The following PRKG1 variants were observed in gnomAD, a reference collection of about 807,000 sequenced individuals.
PRKG1 encodes the protein protein kinase cGMP-dependent 1.
PRKG1 carries 35 observed loss-of-function variants against 88.1 expected under a neutral mutation model. That is an observed-to-expected ratio of 0.40 (90% CI 0.30 to 0.53). The LOEUF is 0.53. Among genes scored for constraint, PRKG1 ranks in the 20% least tolerant of loss-of-function variants. PRKG1 has a pLI of 0.59. For synonymous variants in PRKG1, 303 were observed against 292.5 expected, an observed-to-expected ratio of 1.04 and a Z score of -0.37; for missense variants, 540 against 839.8, an observed-to-expected ratio of 0.64 and a Z score of 4.41.
chr10:51,787,344 T>C (rs1357434157), intron 3 of PRKG1, among the ~76,000 whole-genome samples: 2 of 152,148 alleles, frequency 1.3e-5, no homozygotes, highest in African/African-American at 4.8e-5. Flanking sequence ...GAATTAGCAA[T>C]ATGTAAGGTA....
intron 2 of PRKG1, among the ~76,000 whole-genome samples, chr10:51,186,958 A>ATATATATATATATATATATATG (rs1837505567): frequency 6.5e-5 from 3 of 46,476 alleles, no homozygotes; most frequent in Non-Finnish European, 1.8e-4. Context: ...CCTGTGTTAT[A>ATATATATATATATATATATATG]TATATATATA....
chr10:51,272,343 A>T (rs1840002850), intron 2 of PRKG1, among the ~76,000 whole-genome samples: 1 of 150,124 alleles, frequency 6.7e-6, no homozygotes, highest in African/African-American at 2.5e-5. Context: ...AACATCACAC[A>T]CTGGGCTTAT....
At chr10:51,298,871 C>G (rs1840794604) in intron 2 of PRKG1, among the ~76,000 whole-genome samples, 1 of 152,118 alleles carries the variant, frequency 6.6e-6, no homozygotes, top group Non-Finnish European at 1.5e-5. Flanking sequence ...AGGCATGCAA[C>G]AAAAGGTTGG....
intron 5 of PRKG1, among the ~76,000 whole-genome samples, chr10:51,977,868 C>T (rs138419375): frequency 3.8e-4 from 57 of 151,948 alleles, no homozygotes; most frequent in African/African-American, 1.3e-3. Flanking sequence ...TGCTGGATAT[C>T]AGACATTTAT....
intron 3 of PRKG1, among the ~76,000 whole-genome samples, chr10:51,733,435 C>T (rs1013929980): frequency 1.6e-4 from 25 of 152,062 alleles, no homozygotes; most frequent in Admixed American, 6.6e-4. Flanking sequence ...CTAATAGGAA[C>T]GTCTTGAACC....
At chr10:52,113,772 A>T (rs1847622806) in intron 7 of PRKG1, among the ~76,000 whole-genome samples, 1 of 152,190 alleles carries the variant, frequency 6.6e-6, no homozygotes, top group African/African-American at 2.4e-5. Context: ...TAAGTGTTTC[A>T]TTAAGAATTT....
At chr10:52,140,495 C>T (rs1041727561) in intron 8 of PRKG1, among the ~76,000 whole-genome samples, 1 of 152,122 alleles carries the variant, frequency 6.6e-6, no homozygotes, top group Non-Finnish European at 1.5e-5. Context: ...CATGCACACA[C>T]CTCTTTTTAT....
intron 8 of PRKG1, among the ~76,000 whole-genome samples, chr10:52,150,751 T>C (rs1016297047): frequency 1.3e-5 from 2 of 152,200 alleles, no homozygotes; most frequent in African/African-American, 4.8e-5. Flanking sequence ...TACCTTGGGA[T>C]AGATTTATTA....
At chr10:52,104,366 C>G (rs909311807) in intron 7 of PRKG1, among the ~76,000 whole-genome samples, 4 of 151,870 alleles carry the variant, frequency 2.6e-5, no homozygotes, top group African/African-American at 9.7e-5. Context: ...ACTGATGTGG[C>G]CTTATTTCTA....
intron 3 of PRKG1, among the ~76,000 whole-genome samples, chr10:51,754,255 T>C (rs1186931044): frequency 6.6e-6 from 1 of 152,172 alleles, no homozygotes; most frequent in African/African-American, 2.4e-5. Context: ...CCTTCAAATC[T>C]CAAGCAAGCC....
chr10:51,192,843 T>G (rs1837664728), intron 2 of PRKG1, among the ~76,000 whole-genome samples: 1 of 151,962 alleles, frequency 6.6e-6, no homozygotes, highest in Non-Finnish European at 1.5e-5. Context: ...TATCTGGAAG[T>G]CTACCTTTCA....
intron 3 of PRKG1, among the ~76,000 whole-genome samples, chr10:51,570,016 A>G (rs1837705274): frequency 6.9e-6 from 1 of 144,644 alleles, no homozygotes; most frequent in Admixed American, 6.9e-5. Context: ...TGTTATAACT[A>G]AGACTCTAAT....
At chr10:51,256,524 G>C (rs1001199710) in intron 2 of PRKG1, among the ~76,000 whole-genome samples, 2 of 152,154 alleles carry the variant, frequency 1.3e-5, no homozygotes, top group African/African-American at 4.8e-5. Flanking sequence ...TCATATGCCA[G>C]ATGAGCACTA....
intron 2 of PRKG1, among the ~76,000 whole-genome samples, chr10:51,252,119 T>G (rs1248649344): frequency 6.6e-6 from 1 of 151,684 alleles, no homozygotes; most frequent in Non-Finnish European, 1.5e-5. Flanking sequence ...CTATGTCAGA[T>G]CAGACCATAT....
intron 3 of PRKG1, among the ~76,000 whole-genome samples, chr10:51,570,406 T>C (rs1268447802): frequency 1.3e-5 from 2 of 151,918 alleles, no homozygotes; most frequent in Non-Finnish European, 2.9e-5. Flanking sequence ...AGACGAAGTA[T>C]ATTTACTGTT....
chr10:52,024,117 C>T (rs1403277554), intron 5 of PRKG1, among the ~76,000 whole-genome samples: 2 of 151,846 alleles, frequency 1.3e-5, no homozygotes, highest in Non-Finnish European at 2.9e-5. Context: ...ATCCAAACCA[C>T]TGCTCAAGGA....
intron 2 of PRKG1, chr10:51,299,676 A>G (rs376226688): frequency 1.6e-5 from 7 of 450,028 alleles, no homozygotes; most frequent in South Asian, 9.6e-5. Flanking sequence ...CAGGTTACCT[A>G]TGTTACAGGC....
intron 2 of PRKG1, among the ~76,000 whole-genome samples, chr10:51,358,282 A>T (rs1411648873): frequency 1.3e-5 from 2 of 151,874 alleles, no homozygotes; most frequent in Non-Finnish European, 2.9e-5. Context: ...GCAATCCAAG[A>T]TACCAAGGCA....
At chr10:51,758,931 G>A (rs570160375) in intron 3 of PRKG1, among the ~76,000 whole-genome samples, 2 of 144,482 alleles carry the variant, frequency 1.4e-5, no homozygotes, top group African/African-American at 5.1e-5. Context: ...CCACTTATGA[G>A]TGAGAACATG....
Sources: gnomAD v4.1 joint callset for allele counts (sites outside exome capture counted in the v4.1 genomes callset) on GRCh38, gnomAD v4.1.1 for gene constraint, MANE v1.5 for transcripts, NCBI Gene and HGNC (gene_info 2026-07-23, HGNC 2026-07-21) for gene names.